Variants in RSU1 observed in about 807,000 individuals in gnomAD.
The protein encoded by RSU1 is rsu-1.
RSU1 carries 26 observed loss-of-function variants against 31.1 expected under a neutral mutation model. That is an observed-to-expected ratio of 0.84 (90% CI 0.61 to 1.16). RSU1 has a LOEUF of 1.16. Among genes scored for constraint, RSU1 ranks in the 50% most tolerant of loss-of-function variants. The pLI is 0.00. For synonymous variants in RSU1, 164 were observed against 136.3 expected (o/e 1.20, Z -1.41); for missense variants, 320 against 339.1 (o/e 0.94, Z 0.44).
At chr10:16,804,538 A>G (rs920583532) in intron 2 of RSU1, among the ~76,000 whole-genome samples, 8 of 152,364 alleles carry the variant, frequency 5.3e-5, no homozygotes, top group South Asian at 4.1e-4. Context: ...AGCTTTATTC[A>G]TAATTGTCCA....
intron 2 of RSU1, among the ~76,000 whole-genome samples, chr10:16,786,013 G>C (rs1472913957): frequency 1.3e-5 from 2 of 152,130 alleles, no homozygotes; most frequent in Non-Finnish European, 2.9e-5. Flanking sequence ...AGACATTTTG[G>C]ATTGTAACAA....
At chr10:16,786,510 A>T (rs1837794699) in intron 2 of RSU1, among the ~76,000 whole-genome samples, 2 of 152,014 alleles carry the variant, frequency 1.3e-5, no homozygotes, top group Admixed American at 6.5e-5. Context: ...AATATTTATA[A>T]GCCAAAATTC....
intron 7 of RSU1, among the ~76,000 whole-genome samples, chr10:16,698,930 C>T (rs1004559120): frequency 2.0e-5 from 3 of 152,196 alleles, no homozygotes; most frequent in African/African-American, 7.2e-5. Context: ...ACTTCAGTAT[C>T]AAGCAATGCT....
chr10:16,807,461 C>G (rs752082397), intron 2 of RSU1, among the ~76,000 whole-genome samples: 1 of 152,132 alleles, frequency 6.6e-6, no homozygotes, highest in African/African-American at 2.4e-5. Context: ...GTGTTTTAAG[C>G]TAATGTTCTA....
rs192646089 is a variant in RSU1 at position 16,640,362 on chromosome 10, G to A, written c.732-46866C>T. On this transcript the variant is annotated intron_variant, in intron 8 of 8. Coordinates refer to ENST00000345264, the MANE Select transcript of RSU1 (RefSeq NM_012425.4). ...TGTTAACCTCTTCATCATCCCCCTG[G>A]TCTGAGTTTCCACTGTCTCTCATCT... 1.7e-4 allele frequency among the ~76,000 whole-genome samples: 26 copies of A among 152,086 alleles called. 1 individual carries two copies. In the East Asian group the frequency reaches 5.0e-3, roughly 29 times the overall value.
chr10:16,785,342 C>G (rs1489207036), intron 2 of RSU1, among the ~76,000 whole-genome samples: 2 of 151,494 alleles, frequency 1.3e-5, no homozygotes, highest in African/African-American at 4.9e-5. Context: ...TGGCCTATTG[C>G]AGGACCTTGT....
intron 2 of RSU1, among the ~76,000 whole-genome samples, chr10:16,793,253 T>G (rs1837963630): frequency 6.6e-6 from 1 of 152,162 alleles, no homozygotes; most frequent in African/African-American, 2.4e-5. Context: ...TCAAAACACT[T>G]GAAATTTTGA....
chr10:16,613,334 CCA>C (rs1203743388), intron 8 of RSU1, among the ~76,000 whole-genome samples: 2 of 152,236 alleles, frequency 1.3e-5, no homozygotes, highest in Non-Finnish European at 2.9e-5. Flanking sequence ...CTGTGAGTCT[CCA>C]CAGAGACCAC....
At chr10:16,789,671 T>G (rs2131659144) in intron 2 of RSU1, among the ~76,000 whole-genome samples, 1 of 152,356 alleles carries the variant, frequency 6.6e-6, no homozygotes, top group East Asian at 1.9e-4. Flanking sequence ...GAGCAGGCTG[T>G]ACCACTGACC....
intron 3 of RSU1, among the ~76,000 whole-genome samples, chr10:16,772,723 G>A (rs1362265683): frequency 6.7e-6 from 1 of 150,258 alleles, no homozygotes; most frequent in African/African-American, 2.5e-5. Context: ...TAAAAGGACT[G>A]ATCTAGGCTC....
intron 7 of RSU1, among the ~76,000 whole-genome samples, chr10:16,735,642 C>T (rs985842057): frequency 1.3e-5 from 2 of 152,112 alleles, no homozygotes; most frequent in African/African-American, 4.8e-5. Flanking sequence ...CTGGGGAGGC[C>T]TCAGGAAACT....
rs979901158 is a variant in RSU1 at position 16,782,913 on chromosome 10, A to T, written c.110-829T>A. Among the ~76,000 whole-genome samples, 25 of 96,932 alleles carry T rather than the reference A, an allele frequency of 2.6e-4. 1 individual carries two copies. The Middle Eastern group carries it at 0.017, about 68-fold the overall frequency. 63.6% of individuals were successfully genotyped at this position (96,932 alleles called of 152,430 possible). A position where few individuals can be genotyped will look rare whatever the true frequency, so the allele number is the denominator to read the frequency against. ...GTGTGTGTATGTGTAAATTTTTCCT[A>T]TTTTTTTTTTTTTTTGAGACAGGGT... On this transcript the variant is annotated intron_variant, in intron 2 of 8. Coordinates refer to ENST00000345264, the MANE Select transcript of RSU1 (RefSeq NM_012425.4).
chr10:16,650,583 T>TTA (rs1354209645), intron 8 of RSU1, among the ~76,000 whole-genome samples: 1 of 148,844 alleles, frequency 6.7e-6, no homozygotes, highest in Non-Finnish European at 1.5e-5. Context: ...AAGCTTTTTT[T>TTA]TTTTTTTTTT....
At chr10:16,811,679 T>C (rs1477960340) in intron 2 of RSU1, among the ~76,000 whole-genome samples, 1 of 152,166 alleles carries the variant, frequency 6.6e-6, no homozygotes, top group Non-Finnish European at 1.5e-5. Flanking sequence ...TTTAACCCTA[T>C]CATACAATCA....
intron 2 of RSU1, among the ~76,000 whole-genome samples, chr10:16,815,385 C>T (rs1225681869): frequency 2.0e-5 from 3 of 152,170 alleles, no homozygotes; most frequent in African/African-American, 4.8e-5. Flanking sequence ...GTTTTCGAAC[C>T]GTGAAAACCG....
chr10:16,721,774 T>G (rs144380433), intron 7 of RSU1: 1 of 152,152 alleles, frequency 6.6e-6, no homozygotes, highest in Non-Finnish European at 1.5e-5. Flanking sequence ...TACATTGCCA[T>G]TAGAATCCCA....
chr10:16,812,695 T>C (rs922191291), intron 2 of RSU1, among the ~76,000 whole-genome samples: 42 of 151,976 alleles, frequency 2.8e-4, no homozygotes, highest in African/African-American at 9.9e-4. Flanking sequence ...ATCTGAAAAA[T>C]ATTTTAGTCT....
At chr10:16,723,789 A>G (rs568352220) in intron 7 of RSU1, among the ~76,000 whole-genome samples, 11 of 152,278 alleles carry the variant, frequency 7.2e-5, no homozygotes, top group East Asian at 5.8e-4. Context: ...ATGAGGGGGA[A>G]GAAGGTGACT....
intron 2 of RSU1, among the ~76,000 whole-genome samples, chr10:16,812,799 TGAAA>T (rs1375024801): frequency 2.0e-5 from 3 of 151,708 alleles, no homozygotes; most frequent in African/African-American, 4.8e-5. Flanking sequence ...ATAAGAGAAA[TGAAA>T]GAAAGTTCCT....
Sources: allele counts gnomAD v4.1 joint callset (sites outside exome capture counted in the v4.1 genomes callset), GRCh38; gene constraint gnomAD v4.1.1; transcripts MANE v1.5; gene names NCBI Gene and HGNC (gene_info 2026-07-23, HGNC 2026-07-21).